Variants in ATP6V1H observed in about 807,000 individuals in gnomAD.
ATP6V1H encodes the protein V-type proton ATPase subunit H.
Under a neutral mutation model 71.7 loss-of-function variants are expected in ATP6V1H, and 39 were observed. The observed-to-expected ratio is 0.54, with a 90% CI of 0.42 to 0.71. The LOEUF is 0.71. Among genes scored for constraint, ATP6V1H ranks in the 30% least tolerant of loss-of-function variants. The pLI is 0.00. For missense variants in ATP6V1H, 509 were observed against 594.9 expected (o/e 0.86, Z 1.50); for synonymous variants, 192 against 199.3 (o/e 0.96, Z 0.31).
chr8:53,828,055 C>T (rs750818820), intron 4 of ATP6V1H, among the ~76,000 whole-genome samples: 4 of 152,100 alleles, frequency 2.6e-5, no homozygotes, highest in African/African-American at 7.2e-5. Context: ...ATGTGAATGG[C>T]GCTGCAACGA....
At position 53,759,780 on chromosome 8, in the gene ATP6V1H, A is replaced by G. The variant is rs143702873; in HGVS notation, c.1176-3124T>C. Among the ~76,000 whole-genome samples the G allele has an allele frequency of 2.2e-3, 335 of 152,302 alleles. 2 individuals carry two copies. The highest frequency in any genetic ancestry group is 7.8e-3 in the African/African-American group (323 of 41,564). On this transcript the variant is annotated intron_variant, in intron 11 of 13. Coordinates refer to ENST00000359530, the MANE Select transcript of ATP6V1H (RefSeq NM_015941.4). The stretch of plus-strand genomic sequence containing the variant: ...CAGAATATTTTCTTACTCAAAATAT[A>G]TATTTATTTCAAAACTACTAACATA...
At chr8:53,716,142 A>G (rs1409514322) in intron 13 of ATP6V1H, 118 bp from the exon 14 acceptor site, 1 of 750,914 alleles carries the variant, frequency 1.3e-6, no homozygotes, top group Admixed American at 3.2e-5. Context: ...AAAATAACTA[A>G]AAAGTCCTAG....
intron 4 of ATP6V1H, among the ~76,000 whole-genome samples, chr8:53,820,780 TAG>T (rs1162471591): frequency 6.6e-6 from 1 of 150,740 alleles, no homozygotes. Context: ...TCAGGAGTTC[TAG>T]ACCAGCTTGG....
rs1190221127 is a variant in ATP6V1H, at chr8:53,787,786, T to C, written c.870+7861A>G. Among the ~76,000 whole-genome samples the C allele has an allele frequency of 5.9e-5, 9 of 152,180 alleles. No individual in the cohort carries two copies. In the South Asian group the frequency reaches 1.2e-3, roughly 21 times the overall value. ...ATCAGTTTAACCAACAGCAGTAATATATGCAGAGACCTGGAGTACAGCATG... is the reference window on the plus strand; with the variant it reads ...ATCAGTTTAACCAACAGCAGTAATACATGCAGAGACCTGGAGTACAGCATG... On this transcript the variant is annotated intron_variant, in intron 9 of 13. Transcript: ENST00000359530.
At chr8:53,720,333 C>T (rs1392638857) in intron 13 of ATP6V1H, among the ~76,000 whole-genome samples, 4 of 152,188 alleles carry the variant, frequency 2.6e-5, no homozygotes, top group African/African-American at 7.2e-5. Flanking sequence ...ATAAACGGCT[C>T]ACAAAAGAGA....
At chr8:53,779,479 T>C (rs972545188) in intron 9 of ATP6V1H, among the ~76,000 whole-genome samples, 12 of 150,956 alleles carry the variant, frequency 7.9e-5, no homozygotes, top group Non-Finnish European at 1.5e-4. Flanking sequence ...TTGTCTCCTT[T>C]ACTAAAGTGT....
At chr8:53,808,451 T>TC (rs2130455506) in intron 7 of ATP6V1H, among the ~76,000 whole-genome samples, 1 of 152,344 alleles carries the variant, frequency 6.6e-6, no homozygotes, top group East Asian at 1.9e-4. Flanking sequence ...TTAAGGAAAT[T>TC]CCACTTATCT....
chr8:53,808,531 G>C (rs565383227), intron 7 of ATP6V1H, among the ~76,000 whole-genome samples: 85 of 152,308 alleles, frequency 5.6e-4, no homozygotes, highest in African/African-American at 1.8e-3. Context: ...ACTTTGGAAG[G>C]CCAAGGCGGG....
In ATP6V1H at chr8:53,818,380, T is replaced by A. The variant is rs570247060; in HGVS notation, c.307-850A>T. 2.2e-4 allele frequency among the ~76,000 whole-genome samples: 34 copies of A among 152,278 alleles called. No individual in the cohort carries two copies. The East Asian group carries it at 6.4e-3, about 28-fold the overall frequency. The stretch of plus-strand genomic sequence containing the variant: ...CTTTTTAAAAGCACAAATAACCACA[T>A]AAACAAAAAATTCCTATTTTCAGAT... On this transcript the variant is annotated intron_variant, in intron 4 of 13. Transcript: ENST00000359530.
At chr8:53,784,010 T>C (rs1339233096) in intron 9 of ATP6V1H, among the ~76,000 whole-genome samples, 1 of 152,236 alleles carries the variant, frequency 6.6e-6, no homozygotes, top group Non-Finnish European at 1.5e-5. Flanking sequence ...GAAAAGAAAG[T>C]ATATTCCGTT....
intron 9 of ATP6V1H, among the ~76,000 whole-genome samples, chr8:53,776,074 C>A (rs1289705652): frequency 1.2e-4 from 18 of 152,222 alleles, no homozygotes; most frequent in Non-Finnish European, 2.1e-4. Flanking sequence ...GGCAAGAAAT[C>A]GAGCGCAGCG....
intron 2 of ATP6V1H, among the ~76,000 whole-genome samples, chr8:53,834,206 A>G (rs1224367930): frequency 6.6e-6 from 1 of 152,186 alleles, no homozygotes; most frequent in East Asian, 1.9e-4. Flanking sequence ...CAGGTGTGAA[A>G]GCTTAGCAAG....
In ATP6V1H at chr8:53,830,401, C is replaced by T. The variant is rs574835577; in HGVS notation, c.217-868G>A. On this transcript the variant is annotated intron_variant, in intron 3 of 13. Transcript: ENST00000359530. The stretch of plus-strand genomic sequence containing the variant: ...AAATGGAGACCTTATCAAAATCATA[C>T]TTATCCTAGAACTTACGCCTACCTA... Among the ~76,000 whole-genome samples the T allele has an allele frequency of 1.8e-4, 27 of 152,300 alleles. No homozygotes were observed. The South Asian group carries it at 5.6e-3, about 32-fold the overall frequency.
chr8:53,729,091 A>G (rs1288226226), intron 13 of ATP6V1H, among the ~76,000 whole-genome samples: 2 of 152,216 alleles, frequency 1.3e-5, no homozygotes, highest in African/African-American at 4.8e-5. Flanking sequence ...TCGAGGGCAG[A>G]GGCTGAAAAC....
At chr8:53,722,774 C>T (rs150273384) in intron 13 of ATP6V1H, among the ~76,000 whole-genome samples, 338 of 152,292 alleles carry the variant, frequency 2.2e-3, no homozygotes, top group African/African-American at 7.7e-3. Context: ...GAGACAAAGT[C>T]TTCAGCAGTT....
At chr8:53,819,050 T>TA (rs1810545409) in intron 4 of ATP6V1H, among the ~76,000 whole-genome samples, 1 of 148,634 alleles carries the variant, frequency 6.7e-6, no homozygotes, top group Non-Finnish European at 1.5e-5. Context: ...TACAAAAAAA[T>TA]AAAAAATTAG....
intron 13 of ATP6V1H, among the ~76,000 whole-genome samples, chr8:53,722,861 C>T (rs964017501): frequency 3.9e-5 from 6 of 152,076 alleles, no homozygotes; most frequent in South Asian, 4.1e-4. Flanking sequence ...TTAGAATCTG[C>T]GTATAACATA....
At chr8:53,770,709 AC>A (rs919066351) in intron 10 of ATP6V1H, among the ~76,000 whole-genome samples, 1 of 152,206 alleles carries the variant, frequency 6.6e-6, no homozygotes, top group Non-Finnish European at 1.5e-5. Context: ...TTTTCAAATT[AC>A]CAAATTCAAG....
At chr8:53,808,046 C>G (rs1348481056) in intron 7 of ATP6V1H, among the ~76,000 whole-genome samples, 1 of 152,220 alleles carries the variant, frequency 6.6e-6, no homozygotes, top group East Asian at 1.9e-4. Flanking sequence ...TAAGTCACTA[C>G]TAGTGACACA....
Sources: gnomAD v4.1 joint callset for allele counts (sites outside exome capture counted in the v4.1 genomes callset) on GRCh38, gnomAD v4.1.1 for gene constraint, MANE v1.5 for transcripts, NCBI Gene and HGNC (gene_info 2026-07-23, HGNC 2026-07-21) for gene names.